COL4A2: variants seen among roughly 807,000 people sequenced by gnomAD.
The protein encoded by COL4A2 is collagen type IV alpha 2 chain, also known as collagen alpha-2(IV) chain.
A neutral mutation model predicts 200.2 loss-of-function variants in COL4A2; 99 were observed. That is an observed-to-expected ratio of 0.49 (90% CI 0.42 to 0.58). The LOEUF (loss-of-function observed/expected upper bound fraction) is 0.58, where lower values mean the gene tolerates loss of function less well. Ranked by LOEUF, COL4A2 falls within the 20% of genes least tolerant of loss-of-function variation. COL4A2 has a pLI of 0.00. For missense variants in COL4A2, 1,950 were observed against 2,314.1 expected (o/e 0.84, Z 3.23); for synonymous variants, 897 against 900.6 (o/e 1.00, Z 0.07).
chr13:110,484,449 C>A (rs1297126597), intron 32 of COL4A2, among the ~76,000 whole-genome samples: 1 of 152,110 alleles, frequency 6.6e-6, no homozygotes, highest in African/African-American at 2.4e-5. Flanking sequence ...TCCTCAGAAC[C>A]CCCCGGAGAC....
chr13:110,314,123 G>T lies in COL4A2; in HGVS notation c.99+6000G>T, dbSNP rs529118625. 2.0e-5 allele frequency among the ~76,000 whole-genome samples: 3 copies of T among 152,366 alleles called. No individual in the cohort carries two copies. The South Asian group carries it at 6.2e-4, about 32-fold the overall frequency. On this transcript the variant is annotated intron_variant, in intron 3 of 47. Transcript: ENST00000360467. ...GTTCAATGTGATAATGTTGATTTCT[G>T]TACCAATGTTGATTTCTTAGTTTTC...
Position 110,469,387 on chromosome 13 carries a change from T to C in COL4A2, c.2203+63T>C, listed in dbSNP as rs946486869. 2.0e-6 allele frequency: 3 copies of C among 1,479,928 alleles called. No individual in the cohort carries two copies. In the African/African-American group the frequency reaches 4.2e-5, roughly 21 times the overall value. The allele number at this position is 1,479,928 out of a possible 1,614,324, so 91.7% of individuals were successfully genotyped here. On this transcript the variant is annotated intron_variant, in intron 28 of 47. Coordinates refer to ENST00000360467, the MANE Select transcript of COL4A2 (RefSeq NM_001846.4). ...CCAGCGGGAACCTGTGTGTGATTCA[T>C]AAGCATCCAGCTCTATTATCTTCCA...
At chr13:110,380,567 G>A (rs1878423784) in intron 4 of COL4A2, among the ~76,000 whole-genome samples, 1 of 152,170 alleles carries the variant, frequency 6.6e-6, no homozygotes. Flanking sequence ...AGAATGTAGG[G>A]ATTTTTTCCA....
At chr13:110,325,806 C>T (rs931294072) in intron 3 of COL4A2, among the ~76,000 whole-genome samples, 21 of 150,510 alleles carry the variant, frequency 1.4e-4, no homozygotes, top group South Asian at 6.3e-4. Context: ...TTTTTTTAGA[C>T]GGAGTCTCAC....
chr13:110,512,285 A>T lies in COL4A2; in HGVS notation c.*94A>T. On this transcript the variant is annotated 3_prime_UTR_variant, in exon 48 of 48. Coordinates refer to ENST00000360467, the MANE Select transcript of COL4A2 (RefSeq NM_001846.4). ...AAATTGGTTTTATTTTTTTCTTAAA[A>T]AAAAAAAAGTCTACCAAAGGAATTT... 1 of 1,454,774 alleles carries T rather than the reference A, an allele frequency of 6.9e-7. No individual in the cohort carries two copies. 90.1% of individuals were successfully genotyped at this position (1,454,774 alleles called of 1,614,324 possible).
intron 47 of COL4A2, among the ~76,000 whole-genome samples, chr13:110,510,933 G>A (rs1412790120): frequency 6.6e-6 from 1 of 152,242 alleles, no homozygotes; most frequent in Non-Finnish European, 1.5e-5. Context: ...GGGCTGGACA[G>A]GCTTCTGCCT....
chr13:110,484,881 T>TA (rs1345030084), intron 32 of COL4A2, 24 bp from the exon 33 acceptor site: 3 of 1,583,310 alleles, frequency 1.9e-6, no homozygotes, highest in Non-Finnish European at 2.6e-6. Context: ...CCCCAGAAAA[T>TA]GACAGCACTC....
At chr13:110,370,847 TC>T (rs1319313606) in intron 4 of COL4A2, among the ~76,000 whole-genome samples, 3 of 152,202 alleles carry the variant, frequency 2.0e-5, no homozygotes, top group Non-Finnish European at 4.4e-5. Context: ...AAATGCTAAT[TC>T]CTACTAGTAT....
At chr13:110,320,909 G>A (rs145047437) in intron 3 of COL4A2, among the ~76,000 whole-genome samples, 163 of 152,218 alleles carry the variant, frequency 1.1e-3, no homozygotes, top group African/African-American at 3.6e-3. Context: ...ATTAACTAGA[G>A]TGTCTAAGAA....
At position 110,511,851 on chromosome 13, in the gene COL4A2, T is replaced by C. The variant is rs2479426; in HGVS notation, c.4882-83T>C. On this transcript the variant is annotated intron_variant, in intron 47 of 47. Coordinates refer to ENST00000360467, the MANE Select transcript of COL4A2 (RefSeq NM_001846.4). ...TGGTTTGCTGTTCAGTAAAAACAAA[T>C]GCACAGAAGAGGGCTATGCCCTGAC... 0.57 allele frequency: 914,905 copies of C among 1,591,668 alleles called. 264,939 individuals are homozygous for C. Among genetic ancestry groups the C allele is most frequent in the Middle Eastern group, 0.6 (2,702 of 4,538 alleles).
intron 4 of COL4A2, among the ~76,000 whole-genome samples, chr13:110,377,559 T>C (rs1460164992): frequency 6.6e-6 from 1 of 152,202 alleles, no homozygotes; most frequent in Non-Finnish European, 1.5e-5. Context: ...GGGCTTTCCA[T>C]GGGGAATCAG....
chr13:110,370,586 T>C (rs1212855720), intron 4 of COL4A2, among the ~76,000 whole-genome samples: 1 of 152,232 alleles, frequency 6.6e-6, no homozygotes, highest in Non-Finnish European at 1.5e-5. Context: ...GTGTTGTTGT[T>C]GTTTTTCTGC....
intron 16 of COL4A2, among the ~76,000 whole-genome samples, chr13:110,444,176 A>C (rs1881237735): frequency 6.6e-6 from 1 of 152,200 alleles, no homozygotes; most frequent in African/African-American, 2.4e-5. Context: ...TGCATTTCAG[A>C]TGGTTCAAAG....
intron 4 of COL4A2, among the ~76,000 whole-genome samples, chr13:110,382,901 G>A (rs1333560118): frequency 3.9e-5 from 6 of 152,186 alleles, no homozygotes; most frequent in Admixed American, 3.3e-4. Context: ...CAGCTTAGTG[G>A]TAATAGATTT....
intron 19 of COL4A2, among the ~76,000 whole-genome samples, chr13:110,450,034 C>T (rs1006320046): frequency 1.5e-4 from 23 of 152,324 alleles, no homozygotes; most frequent in Middle Eastern, 3.4e-3. Flanking sequence ...GGCATGCTTC[C>T]ACCTGTGGGT....
chr13:110,467,849 C>T (rs1882308287), intron 27 of COL4A2, among the ~76,000 whole-genome samples: 1 of 152,246 alleles, frequency 6.6e-6, no homozygotes, highest in South Asian at 2.1e-4. Flanking sequence ...AAAGCAAGTT[C>T]TCTGAGCAGT....
intron 10 of COL4A2, among the ~76,000 whole-genome samples, chr13:110,431,562 C>A (rs1363591637): frequency 3.3e-5 from 5 of 152,186 alleles, no homozygotes; most frequent in African/African-American, 4.8e-5. Flanking sequence ...TCATACGAGG[C>A]GCTGTTGCTG....
rs1348449217 is a variant in COL4A2 at position 110,430,442 on chromosome 13, T to G, written c.585+6T>G. 6.2e-7 allele frequency: 1 copy of G among 1,614,182 alleles called. No homozygotes were observed. Among genetic ancestry groups the G allele is most frequent in the Admixed American group, 1.7e-5 (1 of 60,022 alleles). On this transcript the variant is annotated splice_donor_region_variant and intron_variant, in intron 9 of 47. Coordinates refer to ENST00000360467, the MANE Select transcript of COL4A2 (RefSeq NM_001846.4). ...CTGGATTGGTCGGTTTCCAGGTAAG[T>G]TTATTTTTATTGGACGATATTCCAA... is the stretch of plus-strand genomic sequence containing the variant.
chr13:110,508,359 G>T lies in COL4A2; in HGVS notation c.4881+138G>T. ...CAAGGGTAGTTGGCCCAGGAAGCGAGCGAGAGCTGGAACACAGCTTACACT... is the reference window on the plus strand; with the variant it reads ...CAAGGGTAGTTGGCCCAGGAAGCGATCGAGAGCTGGAACACAGCTTACACT... On this transcript the variant is annotated intron_variant, in intron 47 of 47. Coordinates refer to ENST00000360467, the MANE Select transcript of COL4A2 (RefSeq NM_001846.4). The surrounding 1 kb of genome is among the most constrained non-coding windows in gnomAD (Gnocchi z 6.1). The T allele has an allele frequency of 3.7e-6, 5 of 1,367,012 alleles. No individual in the cohort carries two copies. In the South Asian group the frequency reaches 5.4e-5, roughly 15 times the overall value. The allele number at this position is 1,367,012 out of a possible 1,614,324, so 84.7% of individuals were successfully genotyped here. A position where few individuals can be genotyped will look rare whatever the true frequency, so the allele number is the denominator to read the frequency against.
Sources: allele counts gnomAD v4.1 joint callset (sites outside exome capture counted in the v4.1 genomes callset), GRCh38; gene constraint gnomAD v4.1.1; non-coding constraint Gnocchi (gnomAD v3.1); transcripts MANE v1.5; gene names NCBI Gene and HGNC (gene_info 2026-07-23, HGNC 2026-07-21).